ZDHHC4: variants seen among roughly 807,000 people sequenced by gnomAD.
The protein encoded by ZDHHC4 is zDHHC palmitoyltransferase 4, also known as palmitoyltransferase ZDHHC4.
ZDHHC4 carries 42 observed loss-of-function variants against 36.7 expected under a neutral mutation model. That is an observed-to-expected ratio of 1.14 (90% CI 0.89 to 1.48). The LOEUF is 1.48. Among genes scored for constraint, ZDHHC4 ranks in the 40% most tolerant of loss-of-function variants. The pLI is 0.00. For synonymous variants in ZDHHC4, 189 were observed against 166.6 expected (o/e 1.13, Z -1.03); for missense variants, 457 against 421.5 (o/e 1.08, Z -0.74).
At chr7:6,585,386 G>T in intron 7 of ZDHHC4, 126 bp downstream of exon 7, 1 of 1,328,438 alleles carries the variant, frequency 7.5e-7, no homozygotes, top group Non-Finnish European at 1.0e-6. Context: ...CACTTTTGGA[G>T]GCCGAGGTGG....
rs752790050 is a variant in ZDHHC4, at chr7:6,583,313, A to G, written c.378A>G (p.Ile126Met). The change falls in exon 6 of 8, where the codon ATA becomes ATG. Residue 126 changes from isoleucine to methionine, a missense_variant. Transcript: ENST00000335965. ...TLTCGTNPGI[I>M]TKANELLFLH... The stretch of plus-strand genomic sequence containing the variant: ...TGTCCTTACTTTTCCCAGGCATTAT[A>G]ACAAAAGCAAATGAATTATTATTTC... 4 of 1,614,038 alleles carry G rather than the reference A, an allele frequency of 2.5e-6. No individual in the cohort carries two copies. The highest frequency in any genetic ancestry group is 3.4e-6 in the Non-Finnish European group (4 of 1,179,958).
intron 7 of ZDHHC4, among the ~76,000 whole-genome samples, chr7:6,586,687 G>T (rs1562545336): frequency 6.6e-6 from 1 of 152,148 alleles, no homozygotes; most frequent in Non-Finnish European, 1.5e-5. Flanking sequence ...TGTTGGCCAG[G>T]CTGGTCTTGA....
Position 6,586,630 on chromosome 7 carries a change from C to A in ZDHHC4, c.741+1370C>A, listed in dbSNP as rs187929609. Among the ~76,000 whole-genome samples the A allele has an allele frequency of 9.1e-3, 1,392 of 152,264 alleles. 28 individuals are homozygous for A. Among genetic ancestry groups the A allele is most frequent in the Non-Finnish European group, 9.9e-3 (675 of 68,022 alleles). ...AGCTGGGATTACAGGCATGAGCCAC[C>A]ACGCCTGGCTAATTTTTGTAATTTT... On this transcript the variant is annotated intron_variant, in intron 7 of 7. Coordinates refer to ENST00000335965, the MANE Select transcript of ZDHHC4 (RefSeq NM_001134389.2).
In ZDHHC4 at chr7:6,582,261, G is replaced by C. The variant is rs751374343; in HGVS notation, c.370+10G>C. The C allele has an allele frequency of 6.2e-7, 1 of 1,613,292 alleles. No homozygotes were observed. The highest frequency in any genetic ancestry group is 8.5e-7 in the Non-Finnish European group (1 of 1,179,496). ...TGTGGAACCAATCCTGGTAAGTTGA[G>C]GCTCTTAGCATACAGCATGGTGACA... On this transcript the variant is annotated intron_variant, in intron 5 of 7. Coordinates refer to ENST00000335965, the MANE Select transcript of ZDHHC4 (RefSeq NM_001134389.2).
chr7:6,583,543 T>C lies in ZDHHC4; in HGVS notation c.496+112T>C, dbSNP rs915937137. The C allele has an allele frequency of 4.1e-5, 57 of 1,390,300 alleles. 1 individual carries two copies. The Middle Eastern group carries it at 3.5e-3, about 85-fold the overall frequency. 86.1% of individuals were successfully genotyped at this position (1,390,300 alleles called of 1,614,324 possible). A position where few individuals can be genotyped will look rare whatever the true frequency, so the allele number is the denominator to read the frequency against. On this transcript the variant is annotated intron_variant, in intron 6 of 7. Coordinates refer to ENST00000335965, the MANE Select transcript of ZDHHC4 (RefSeq NM_001134389.2). ...AGCAGAGCCAGTTCACCCCCAGATA[T>C]GGTGTGGCCACTACTTGTAGAGTTG... is the stretch of plus-strand genomic sequence containing the variant.
chr7:6,582,362 A>G (rs2115167749), intron 5 of ZDHHC4, 111 bp downstream of exon 5: 1 of 1,014,874 alleles, frequency 9.9e-7, no homozygotes, highest in Non-Finnish European at 1.4e-6. Flanking sequence ...TTTGATGTGT[A>G]GCATTTTCAT....
chr7:6,584,748 C>T (rs1055381613), intron 6 of ZDHHC4, among the ~76,000 whole-genome samples: 1 of 152,170 alleles, frequency 6.6e-6, no homozygotes, highest in African/African-American at 2.4e-5. Flanking sequence ...ATCCTCCCGC[C>T]TAGCCTCTGA....
intron 7 of ZDHHC4, among the ~76,000 whole-genome samples, chr7:6,586,140 C>T (rs1371460061): frequency 1.3e-5 from 2 of 150,356 alleles, no homozygotes; most frequent in East Asian, 3.9e-4. Flanking sequence ...GCAACAAGAG[C>T]GAAAGAGAGA....
chr7:6,586,596 C>T (rs1206078328), intron 7 of ZDHHC4, among the ~76,000 whole-genome samples: 1 of 152,174 alleles, frequency 6.6e-6, no homozygotes, highest in Non-Finnish European at 1.5e-5. Context: ...CTGCCTCAGT[C>T]TCCCGTGTAG....
chr7:6,580,907 C>G (rs1780800114), intron 3 of ZDHHC4: 1 of 527,150 alleles, frequency 1.9e-6, no homozygotes, highest in Non-Finnish European at 3.4e-6. Context: ...CAGAGTGAGA[C>G]CCTGTCTCAA....
At chr7:6,583,117 T>A (rs1780977555) in intron 5 of ZDHHC4, among the ~76,000 whole-genome samples, 189 bp from the exon 6 acceptor site, 1 of 151,958 alleles carries the variant, frequency 6.6e-6, no homozygotes, top group African/African-American at 2.4e-5. Flanking sequence ...GAGGCAGAGG[T>A]TGCAGTGAGC....
rs775090259 is a variant in ZDHHC4, at chr7:6,582,244, C to T, written c.363C>T (p.Thr121=). The part of the protein sequence containing the change: ...NLFFFTLTCG[T]NPGIITKANE... ...TTTTTTTCACCCTGACTTGTGGAAC[C>T]AATCCTGGTAAGTTGAGGCTCTTAG... The change falls in exon 5 of 8, where the codon ACC becomes ACT. Residue 121 remains threonine (T), a synonymous_variant. Coordinates refer to ENST00000335965, the MANE Select transcript of ZDHHC4 (RefSeq NM_001134389.2). 2.5e-6 allele frequency: 4 copies of T among 1,613,826 alleles called. No homozygotes were observed. The South Asian group carries it at 4.4e-5, about 18-fold the overall frequency.
intron 2 of ZDHHC4, among the ~76,000 whole-genome samples, chr7:6,580,181 A>G (rs1001436653): frequency 2.6e-5 from 4 of 152,026 alleles, no homozygotes; most frequent in African/African-American, 9.7e-5. Context: ...TATTTTATTA[A>G]ATTGAGACAG....
At chr7:6,578,175 T>C (rs561106093) in intron 1 of ZDHHC4, among the ~76,000 whole-genome samples, 69 of 152,262 alleles carry the variant, frequency 4.5e-4, no homozygotes, top group African/African-American at 1.5e-3. Flanking sequence ...TGGCCCAGGC[T>C]GGAAGGCAGT....
In ZDHHC4 at chr7:6,588,200, C is replaced by T. The variant is rs190404505; in HGVS notation, c.742-417C>T. Among the ~76,000 whole-genome samples, 35 of 152,276 alleles carry T rather than the reference C, an allele frequency of 2.3e-4. No homozygotes were observed. In the East Asian group the frequency reaches 4.4e-3, roughly 19 times the overall value. ...TTTATTAAGAAAAGGAAAAAAACTT[C>T]GGAAGAGGGGCTGATAAAATCAATG... On this transcript the variant is annotated intron_variant, in intron 7 of 7. Transcript: ENST00000335965.
intron 2 of ZDHHC4, among the ~76,000 whole-genome samples, chr7:6,580,285 G>C (rs1780750546): frequency 6.6e-6 from 1 of 152,126 alleles, no homozygotes; most frequent in Non-Finnish European, 1.5e-5. Flanking sequence ...ACAGGCATGA[G>C]CCACTGCACC....
chr7:6,578,221 G>A (rs1221937264), intron 1 of ZDHHC4, among the ~76,000 whole-genome samples: 2 of 152,106 alleles, frequency 1.3e-5, no homozygotes, highest in Non-Finnish European at 2.9e-5. Flanking sequence ...TCGACCTCCT[G>A]GGCTCAAGCC....
chr7:6,585,143 C>T lies in ZDHHC4; in HGVS notation c.624C>T (p.Val208=), dbSNP rs61996354. 1.2e-3 allele frequency: 2,000 copies of T among 1,614,006 alleles called. 37 individuals are homozygous for T. The highest frequency in any genetic ancestry group is 4.9e-4 in the Middle Eastern group (3 of 6,084). Residue 208 remains valine (V), a synonymous_variant, in exon 7 of 8, where the codon GTC becomes GTT. Transcript: ENST00000335965. The part of the protein sequence containing the change: ...VLTLTASAAT[V]AIVSTTFLVH... ...CCTTGACGGCCTCGGCTGCCACCGT[C>T]GCCATTGTGAGCACCACTTTTCTGG...
chr7:6,580,761 A>C lies in ZDHHC4; in HGVS notation c.117+83A>C. On this transcript the variant is annotated intron_variant, in intron 3 of 7. Coordinates refer to ENST00000335965, the MANE Select transcript of ZDHHC4 (RefSeq NM_001134389.2). Reference sequence around the variant, plus strand: ...CACAGGTTTTGCTACAGGACAAAAAAGAGATGCCAGGCCGGGTGCAGTGCC... The same window carrying C: ...CACAGGTTTTGCTACAGGACAAAAACGAGATGCCAGGCCGGGTGCAGTGCC... 5.2e-6 allele frequency: 7 copies of C among 1,359,032 alleles called. 1 individual carries two copies. The South Asian group carries it at 8.3e-5, about 16-fold the overall frequency. The allele number at this position is 1,359,032 out of a possible 1,614,324, so 84.2% of individuals were successfully genotyped here.
Sources: allele counts gnomAD v4.1 joint callset (sites outside exome capture counted in the v4.1 genomes callset), GRCh38; gene constraint gnomAD v4.1.1; transcripts MANE v1.5; gene names NCBI Gene and HGNC (gene_info 2026-07-23, HGNC 2026-07-21).